MGAT4C: variants seen among roughly 807,000 people sequenced by gnomAD.
MGAT4C encodes MGAT4 family member C, also known as alpha-1,3-mannosyl-glycoprotein 4-beta-N-acetylglucosaminyltransferase C.
Under a neutral mutation model 40.1 loss-of-function variants are expected in MGAT4C, and 19 were observed. The observed-to-expected ratio is 0.47, with a 90% CI of 0.33 to 0.70. The LOEUF (loss-of-function observed/expected upper bound fraction) is 0.70. MGAT4C is among the 30% of genes least tolerant of loss of function. MGAT4C has a pLI of 0.02. For synonymous variants in MGAT4C, 181 were observed against 187.1 expected, an observed-to-expected ratio of 0.97 and a Z score of 0.27; for missense variants, 491 against 563.2, an observed-to-expected ratio of 0.87 and a Z score of 1.30.
rs1297164919 is a variant in MGAT4C at position 85,977,384 on chromosome 12, A to G, written c.*1905T>C. 6.6e-6 allele frequency: 1 copy of G among 151,530 alleles called. No individual in the cohort carries two copies. The highest frequency in any genetic ancestry group is 1.5e-5 in the Non-Finnish European group (1 of 67,558). 9.4% of individuals were successfully genotyped at this position (151,530 alleles called of 1,614,324 possible). On this transcript the variant is annotated 3_prime_UTR_variant, in exon 5 of 5. Transcript: ENST00000611864. Reference sequence around the variant, plus strand: ...AGCCGGTTAATAAAAGATAAGAAAAATAAAGAAAATAGAACATTTTTAGGT... The same window carrying G: ...AGCCGGTTAATAAAAGATAAGAAAAGTAAAGAAAATAGAACATTTTTAGGT...
chr12:86,377,676 C>T (rs1174866913), intron 3 of MGAT4C, among the ~76,000 whole-genome samples: 1 of 152,140 alleles, frequency 6.6e-6, no homozygotes, highest in African/African-American at 2.4e-5. Flanking sequence ...TCCTTTTCTA[C>T]ATATTTTTAA....
chr12:86,115,145 C>T (rs1013446040), intron 1 of MGAT4C, among the ~76,000 whole-genome samples: 4 of 151,894 alleles, frequency 2.6e-5, no homozygotes, highest in African/African-American at 9.7e-5. Flanking sequence ...GTGGTACATA[C>T]ATTTAGCACA....
intron 2 of MGAT4C, among the ~76,000 whole-genome samples, chr12:86,697,857 T>C (rs1414301558): frequency 6.6e-6 from 1 of 152,110 alleles, no homozygotes; most frequent in Non-Finnish European, 1.5e-5. Flanking sequence ...CTGCCTCTAA[T>C]GTCTACTTAT....
At chr12:85,983,710 T>C (rs756413478) in intron 3 of MGAT4C, 40 bp from the exon 4 acceptor site, 3 of 1,447,818 alleles carry the variant, frequency 2.1e-6, no homozygotes, top group Non-Finnish European at 2.8e-6. Context: ...ATATAAATAA[T>C]AGATGGTCAT....
At chr12:86,116,002 C>T (rs1878350865) in intron 1 of MGAT4C, among the ~76,000 whole-genome samples, 1 of 151,830 alleles carries the variant, frequency 6.6e-6, no homozygotes, top group Non-Finnish European at 1.5e-5. Flanking sequence ...ACAATTCAGC[C>T]CATAACAGTA....
chr12:86,615,215 C>A (rs1962411041), intron 2 of MGAT4C, among the ~76,000 whole-genome samples: 1 of 152,044 alleles, frequency 6.6e-6, no homozygotes, highest in Non-Finnish European at 1.5e-5. Flanking sequence ...CAAGTCACTT[C>A]TAATTGATAT....
At chr12:86,338,244 G>A (rs941730481) in intron 3 of MGAT4C, among the ~76,000 whole-genome samples, 1 of 152,234 alleles carries the variant, frequency 6.6e-6, no homozygotes, top group Non-Finnish European at 1.5e-5. Flanking sequence ...AAGTCATAGG[G>A]AGTCAAAGCT....
At chr12:86,108,081 A>C (rs1463035851) in intron 1 of MGAT4C, among the ~76,000 whole-genome samples, 4 of 152,116 alleles carry the variant, frequency 2.6e-5, no homozygotes, top group Non-Finnish European at 5.9e-5. Context: ...AATTGGAAAA[A>C]TAAACTAAAA....
rs1883611832 is a variant in MGAT4C, at chr12:85,971,291, T to C, written c.*7998A>G. The C allele has an allele frequency of 6.6e-6, 1 of 151,238 alleles. No homozygotes were observed. The highest frequency in any genetic ancestry group is 2.4e-5 in the African/African-American group (1 of 41,362). The allele number at this position is 151,238 out of a possible 1,614,324, so 9.4% of individuals were successfully genotyped here. A position where few individuals can be genotyped will look rare whatever the true frequency, so the allele number is the denominator to read the frequency against. On this transcript the variant is annotated 3_prime_UTR_variant, in exon 5 of 5. Transcript: ENST00000611864. ...CCCAGTTATTTGGTGGTACGCTGAG[T>C]GAAAATATGTAGCTTTATCTACATT...
chr12:86,330,725 C>T (rs1954644457), intron 4 of MGAT4C, among the ~76,000 whole-genome samples: 1 of 152,114 alleles, frequency 6.6e-6, no homozygotes, highest in Non-Finnish European at 1.5e-5. Context: ...TATTATATTA[C>T]AGGCACTATG....
intron 1 of MGAT4C, among the ~76,000 whole-genome samples, chr12:86,120,674 G>T (rs868722308): frequency 4.6e-5 from 7 of 152,188 alleles, no homozygotes; most frequent in Middle Eastern, 3.2e-3. Context: ...TTGCAGCTGA[G>T]GATCCTGACT....
intron 3 of MGAT4C, among the ~76,000 whole-genome samples, chr12:86,392,452 A>G (rs1956176622): frequency 6.6e-6 from 1 of 152,126 alleles, no homozygotes; most frequent in African/African-American, 2.4e-5. Flanking sequence ...AGCCTGGGCT[A>G]CAGGAATGAG....
intron 2 of MGAT4C, among the ~76,000 whole-genome samples, chr12:86,623,683 C>A (rs1368745878): frequency 1.3e-5 from 2 of 151,930 alleles, no homozygotes; most frequent in Non-Finnish European, 2.9e-5. Flanking sequence ...ATTTGTTTGT[C>A]CATAAAAGCA....
intron 3 of MGAT4C, among the ~76,000 whole-genome samples, chr12:86,409,033 T>A (rs1349122697): frequency 6.6e-6 from 1 of 152,072 alleles, no homozygotes; most frequent in African/African-American, 2.4e-5. Flanking sequence ...GGTAGCGTAG[T>A]AAGGAAACTA....
At chr12:86,317,982 T>A (rs1954287715) in intron 4 of MGAT4C, among the ~76,000 whole-genome samples, 1 of 151,878 alleles carries the variant, frequency 6.6e-6, no homozygotes, top group Non-Finnish European at 1.5e-5. Context: ...TTAAAAGAAT[T>A]CAGCTTTTAG....
intron 1 of MGAT4C, among the ~76,000 whole-genome samples, chr12:86,121,539 G>A (rs1258206160): frequency 1.3e-5 from 2 of 152,202 alleles, no homozygotes; most frequent in Non-Finnish European, 2.9e-5. Context: ...CAGACTAACA[G>A]TGGATCTCTC....
intron 2 of MGAT4C, among the ~76,000 whole-genome samples, chr12:86,613,268 A>T (rs1962344305): frequency 6.6e-6 from 1 of 152,194 alleles, no homozygotes; most frequent in African/African-American, 2.4e-5. Context: ...TTAGCTTAAA[A>T]TTACTTAATA....
intron 1 of MGAT4C, among the ~76,000 whole-genome samples, chr12:86,781,502 G>C (rs1325991137): frequency 6.6e-6 from 1 of 152,086 alleles, no homozygotes; most frequent in East Asian, 1.9e-4. Flanking sequence ...ATATAGTTAA[G>C]ATTCAGGTGA....
intron 1 of MGAT4C, among the ~76,000 whole-genome samples, chr12:86,809,288 CAGTTAGTTT>C (rs1223642491): frequency 1.3e-5 from 2 of 152,038 alleles, no homozygotes; most frequent in African/African-American, 4.8e-5. Context: ...TGTATATACA[CAGTTAGTTT>C]AGTTGTTCAC....
Sources: allele counts gnomAD v4.1 joint callset (sites outside exome capture counted in the v4.1 genomes callset), GRCh38; gene constraint gnomAD v4.1.1; transcripts MANE v1.5; gene names NCBI Gene and HGNC (gene_info 2026-07-23, HGNC 2026-07-21).